The following MOB3B variants were observed in gnomAD, a reference collection of about 807,000 sequenced individuals.
MOB3B encodes MOB kinase activator-like 2B.
A neutral mutation model predicts 18.7 loss-of-function variants in MOB3B; 7 were observed. The observed-to-expected ratio is 0.37, with a 90% CI of 0.21 to 0.70. The LOEUF (loss-of-function observed/expected upper bound fraction) is 0.70, where lower values mean the gene tolerates loss of function less well. Ranked by LOEUF, MOB3B falls within the 30% of genes least tolerant of loss-of-function variation. The probability of loss-of-function intolerance (pLI) is 0.52; values close to 1 mark genes in which losing one functional copy is unlikely to be tolerated. For synonymous variants in MOB3B, 111 were observed against 99.9 expected, an observed-to-expected ratio of 1.11 and a Z score of -0.66; for missense variants, 253 against 281.3, an observed-to-expected ratio of 0.90 and a Z score of 0.72.
chr9:27,529,546 CT>C lies in MOB3B; in HGVS notation c.-199+8del. 1.0e-6 allele frequency: 1 copy of C among 985,424 alleles called. No individual in the cohort carries two copies. The highest frequency in any genetic ancestry group is 1.2e-6 in the Non-Finnish European group (1 of 829,910). 61.0% of individuals were successfully genotyped at this position (985,424 alleles called of 1,614,324 possible). The stretch of plus-strand genomic sequence containing the variant: ...CGCCTCCCCTAGCTTGGAGCGGGTT[CT>C]TACTCACCGTGGGGTTTTACCTCCA... On this transcript the variant is annotated splice_region_variant and intron_variant, in intron 1 of 3. Transcript: ENST00000262244.
chr9:27,472,059 C>A (rs967140166), intron 1 of MOB3B, among the ~76,000 whole-genome samples: 2 of 152,096 alleles, frequency 1.3e-5, no homozygotes, highest in African/African-American at 4.8e-5. Flanking sequence ...TAGAAGAAAC[C>A]AAAAATCAAA....
chr9:27,492,048 G>C (rs146422569), intron 1 of MOB3B, among the ~76,000 whole-genome samples: 2 of 152,188 alleles, frequency 1.3e-5, no homozygotes, highest in East Asian at 3.8e-4. Context: ...GAAGAAGAAA[G>C]AATTTTGCAA....
chr9:27,488,056 G>A (rs1020078616), intron 1 of MOB3B, among the ~76,000 whole-genome samples: 1 of 152,202 alleles, frequency 6.6e-6, no homozygotes, highest in African/African-American at 2.4e-5. Flanking sequence ...CTTGAGTCAG[G>A]TGACCATCAT....
chr9:27,524,741 A>C (rs1165399943), intron 1 of MOB3B: 28 of 1,613,898 alleles, frequency 1.7e-5, no homozygotes, highest in Non-Finnish European at 2.3e-5. Context: ...ACAAGAATGA[A>C]AATGAAGACA....
intron 1 of MOB3B, among the ~76,000 whole-genome samples, chr9:27,527,010 C>T (rs1464520129): frequency 8.6e-5 from 13 of 151,890 alleles, no homozygotes; most frequent in Non-Finnish European, 1.0e-4. Context: ...TCACGTCTTC[C>T]GAAATTTATT....
intron 3 of MOB3B, among the ~76,000 whole-genome samples, chr9:27,350,191 CAT>C (rs372673445): frequency 1.5e-4 from 21 of 139,982 alleles, no homozygotes; most frequent in East Asian, 1.1e-3. Context: ...AAAAGTGACA[CAT>C]GTTTGTGACA....
intron 3 of MOB3B, among the ~76,000 whole-genome samples, chr9:27,351,777 A>T (rs1420336026): frequency 2.6e-5 from 4 of 152,146 alleles, no homozygotes; most frequent in African/African-American, 9.7e-5. Context: ...CAACTCTGAG[A>T]GAAGTGTATG....
intron 2 of MOB3B, among the ~76,000 whole-genome samples, chr9:27,417,343 G>C (rs544786375): frequency 6.6e-6 from 1 of 152,026 alleles, no homozygotes; most frequent in African/African-American, 2.4e-5. Flanking sequence ...CAGCTTGGGC[G>C]ACAGAGCGAG....
At chr9:27,372,562 A>C (rs1821438606) in intron 2 of MOB3B, among the ~76,000 whole-genome samples, 1 of 152,222 alleles carries the variant, frequency 6.6e-6, no homozygotes, top group African/African-American at 2.4e-5. Flanking sequence ...TAACATCAAC[A>C]GTGATCAATC....
intron 3 of MOB3B, among the ~76,000 whole-genome samples, chr9:27,355,572 T>TTC (rs1178109424): frequency 4.0e-5 from 6 of 151,330 alleles, no homozygotes; most frequent in Non-Finnish European, 1.5e-5. Context: ...CTTTTTTTTT[T>TTC]TTTTTGAGAC....
At chr9:27,473,741 C>T (rs754280106) in intron 1 of MOB3B, among the ~76,000 whole-genome samples, 1 of 152,024 alleles carries the variant, frequency 6.6e-6, no homozygotes, top group African/African-American at 2.4e-5. Context: ...TGCTCACAAG[C>T]AGAAGGGGAA....
chr9:27,404,141 C>T lies in MOB3B; in HGVS notation c.419-44905G>A, dbSNP rs537680540. 1.6e-4 allele frequency among the ~76,000 whole-genome samples: 25 copies of T among 152,026 alleles called. 1 individual carries two copies. Among genetic ancestry groups the T allele is most frequent in the Admixed American group, 1.4e-3 (21 of 15,268 alleles). ...ATCATTCTATTCTCTATCTCCATGA[C>T]TACCCTTTTTTTTTCTTTTTGGTTC... On this transcript the variant is annotated intron_variant, in intron 2 of 3. Coordinates refer to ENST00000262244, the MANE Select transcript of MOB3B (RefSeq NM_024761.5).
intron 2 of MOB3B, among the ~76,000 whole-genome samples, chr9:27,408,244 C>T (rs1587189780): frequency 2.0e-5 from 3 of 152,294 alleles, no homozygotes; most frequent in East Asian, 1.9e-4. Flanking sequence ...GCATGTACCA[C>T]GTCTGAAACA....
intron 2 of MOB3B, among the ~76,000 whole-genome samples, chr9:27,388,195 C>G (rs1409913491): frequency 6.6e-6 from 1 of 152,216 alleles, no homozygotes; most frequent in African/African-American, 2.4e-5. Context: ...GTTGCACATA[C>G]CGTTAACTTC....
At chr9:27,473,274 G>A (rs998100782) in intron 1 of MOB3B, among the ~76,000 whole-genome samples, 1 of 152,152 alleles carries the variant, frequency 6.6e-6, no homozygotes, top group African/African-American at 2.4e-5. Flanking sequence ...CTCATCTAGC[G>A]GAGTAATCTT....
chr9:27,489,958 G>T (rs971441330), intron 1 of MOB3B, among the ~76,000 whole-genome samples: 1 of 152,000 alleles, frequency 6.6e-6, no homozygotes, highest in African/African-American at 2.4e-5. Context: ...TTAAGGTGGT[G>T]AAACAAGATA....
chr9:27,509,668 C>T (rs765289565), intron 1 of MOB3B, among the ~76,000 whole-genome samples: 63 of 152,124 alleles, frequency 4.1e-4, no homozygotes, highest in Non-Finnish European at 8.2e-4. Flanking sequence ...CCACCTGCCT[C>T]AGCCTCCCAA....
intron 2 of MOB3B, among the ~76,000 whole-genome samples, chr9:27,382,829 C>T (rs1377929777): frequency 1.3e-5 from 2 of 152,078 alleles, no homozygotes; most frequent in African/African-American, 2.4e-5. Context: ...GCTTCCCTCT[C>T]CCCTACCCAA....
chr9:27,463,882 G>A (rs1819333757), intron 1 of MOB3B, among the ~76,000 whole-genome samples: 1 of 152,014 alleles, frequency 6.6e-6, no homozygotes, highest in Non-Finnish European at 1.5e-5. Context: ...CCTGAGCCTG[G>A]GGATGTCCAG....
Sources: allele counts gnomAD v4.1 joint callset (sites outside exome capture counted in the v4.1 genomes callset), GRCh38; gene constraint gnomAD v4.1.1; transcripts MANE v1.5; gene names NCBI Gene and HGNC (gene_info 2026-07-23, HGNC 2026-07-21).